Variants in UNC13C observed in about 807,000 individuals in gnomAD.
The protein encoded by UNC13C is protein unc-13 homolog C.
Under a neutral mutation model 245.4 loss-of-function variants are expected in UNC13C, and 174 were observed. That is an observed-to-expected ratio of 0.71 (90% CI 0.63 to 0.80). UNC13C has a LOEUF of 0.80. UNC13C is among the 30% of genes least tolerant of loss of function. The pLI, the probability that UNC13C is intolerant of heterozygous loss-of-function variation, is 0.00. For synonymous variants in UNC13C, 992 were observed against 895.1 expected (o/e 1.11, Z -1.93); for missense variants, 2,829 against 2,602.9 (o/e 1.09, Z -1.89).
At chr15:54,463,953 A>G (rs569484692) in intron 19 of UNC13C, among the ~76,000 whole-genome samples, 16 of 152,312 alleles carry the variant, frequency 1.1e-4, no homozygotes, top group African/African-American at 3.6e-4. Flanking sequence ...TAGCCAGGGC[A>G]CTAAAAAGGT....
chr15:53,898,206 C>CCAT, the UNC13C span, among the ~76,000 whole-genome samples: 37,203 of 150,770 alleles, frequency 0.25, 4,757 homozygotes, highest in South Asian at 0.27. Context: ...ACCACCACCA[C>CCAT]CATCATCATC....
chr15:53,882,354 T>A, the UNC13C span, among the ~76,000 whole-genome samples: 1 of 152,184 alleles, frequency 6.6e-6, no homozygotes, highest in South Asian at 2.1e-4. Context: ...TCCACACTAC[T>A]TTTGCTTATA....
intron 4 of UNC13C, among the ~76,000 whole-genome samples, chr15:54,152,104 A>G (rs1280923355): frequency 1.3e-5 from 2 of 152,202 alleles, no homozygotes; most frequent in Non-Finnish European, 2.9e-5. Context: ...TCTTTTCTCA[A>G]TTAGAAAACT....
chr15:54,416,758 T>C, intron 19 of UNC13C: 1 of 369,438 alleles, frequency 2.7e-6, no homozygotes, highest in Non-Finnish European at 5.3e-6. Flanking sequence ...TCTGTATAGA[T>C]TCTTAATCTC....
chr15:54,263,148 T>C (rs2036468900), intron 8 of UNC13C, among the ~76,000 whole-genome samples: 1 of 152,182 alleles, frequency 6.6e-6, no homozygotes, highest in African/African-American at 2.4e-5. Flanking sequence ...CTTACAGTCA[T>C]GTCAAAGAAA....
intron 28 of UNC13C, among the ~76,000 whole-genome samples, chr15:54,550,103 T>G (rs1490375871): frequency 6.6e-6 from 1 of 152,094 alleles, no homozygotes; most frequent in Non-Finnish European, 1.5e-5. Context: ...TAGTTATAAT[T>G]TGAGATTCCC....
rs114053083 is a variant in UNC13C at position 54,089,902 on chromosome 15, C to G, written c.2984-53116C>G. ...CTGACTTGTGGGAGTGGGAGTGGAA[C>G]AAGCGGTAGGACTTCCAATGTGCTG... is the stretch of plus-strand genomic sequence containing the variant. On this transcript the variant is annotated intron_variant, in intron 2 of 32. Coordinates refer to ENST00000260323, the MANE Select transcript of UNC13C (RefSeq NM_001080534.3). Among the ~76,000 whole-genome samples, 285 of 152,202 alleles carry G rather than the reference C, an allele frequency of 1.9e-3. 1 individual carries two copies. Among genetic ancestry groups the G allele is most frequent in the African/African-American group, 6.6e-3 (274 of 41,520 alleles).
At chr15:54,503,581 C>T (rs2141103864) in intron 22 of UNC13C, among the ~76,000 whole-genome samples, 1 of 152,030 alleles carries the variant, frequency 6.6e-6, no homozygotes, top group South Asian at 2.1e-4. Flanking sequence ...TACAGGTGTT[C>T]ACCACCATAC....
chr15:54,556,793 A>C (rs1028664343), intron 29 of UNC13C, among the ~76,000 whole-genome samples: 3 of 152,060 alleles, frequency 2.0e-5, no homozygotes, highest in Non-Finnish European at 2.9e-5. Flanking sequence ...GAAGAAAAGA[A>C]AAAAATTTGG....
chr15:54,002,001 A>C (rs139723741), intron 1 of UNC13C, among the ~76,000 whole-genome samples: 34 of 152,336 alleles, frequency 2.2e-4, no homozygotes, highest in Admixed American at 3.9e-4. Flanking sequence ...AAATTATTCA[A>C]ATCAGCCAGG....
At chr15:54,051,319 A>C (rs1282587893) in intron 2 of UNC13C, among the ~76,000 whole-genome samples, 2 of 152,158 alleles carry the variant, frequency 1.3e-5, no homozygotes, top group Non-Finnish European at 2.9e-5. Context: ...CAATTTCATC[A>C]TTTTCCAAAT....
At chr15:53,905,008 G>A in the UNC13C span, among the ~76,000 whole-genome samples, 3,218 of 152,176 alleles carry the variant, frequency 0.021, 33 homozygotes, top group Middle Eastern at 0.045. Flanking sequence ...TGGAATTGAG[G>A]CATGCATAGA....
chr15:53,966,026 T>G, the UNC13C span, among the ~76,000 whole-genome samples: 1 of 152,328 alleles, frequency 6.6e-6, no homozygotes, highest in East Asian at 1.9e-4. Flanking sequence ...ACAGATTCAG[T>G]GCACTTTTAT....
At chr15:53,925,341 C>T in the UNC13C span, among the ~76,000 whole-genome samples, 2 of 152,080 alleles carry the variant, frequency 1.3e-5, no homozygotes, top group Non-Finnish European at 2.9e-5. Flanking sequence ...CACAACAAGA[C>T]ACTTTGTTTG....
chr15:54,371,911 T>A (rs2039495227), intron 17 of UNC13C, among the ~76,000 whole-genome samples: 1 of 151,938 alleles, frequency 6.6e-6, no homozygotes. Context: ...ATAAGAACAA[T>A]GAGTAAAGTG....
chr15:54,529,523 A>G (rs985370307), intron 25 of UNC13C, among the ~76,000 whole-genome samples: 2 of 152,186 alleles, frequency 1.3e-5, no homozygotes, highest in Non-Finnish European at 2.9e-5. Context: ...CTGTTCATTG[A>G]TATATCTTCA....
chr15:54,435,221 C>T (rs1374276757), intron 19 of UNC13C, among the ~76,000 whole-genome samples: 1 of 152,092 alleles, frequency 6.6e-6, no homozygotes, highest in African/African-American at 2.4e-5. Context: ...CCAGCAATCC[C>T]ATTACTGGGT....
In UNC13C at chr15:54,622,345, C is replaced by G; in HGVS notation, c.6125C>G (p.Ala2042Gly). 6.2e-7 allele frequency: 1 copy of G among 1,613,216 alleles called. No homozygotes were observed. Among genetic ancestry groups the G allele is most frequent in the Non-Finnish European group, 8.5e-7 (1 of 1,179,372 alleles). Reference sequence around the variant, plus strand: ...TTTTCAGGTCGTTCCTCCAAAGATGCCGTGGGTCAGATATCTGTTCATGTG... The same window carrying G: ...TTTTCAGGTCGTTCCTCCAAAGATGGCGTGGGTCAGATATCTGTTCATGTG... ...QTSQSRSSKD[A>G]VGQISVHVDI... Residue 2042 changes from alanine to glycine, a missense_variant, in exon 31 of 33, where the codon GCC (alanine) becomes GGC (glycine). By Grantham distance (60) the Ala-to-Gly change is moderately conservative. Transcript: ENST00000260323.
intron 19 of UNC13C, among the ~76,000 whole-genome samples, chr15:54,440,643 A>C (rs1306633410): frequency 6.6e-6 from 1 of 151,968 alleles, no homozygotes; most frequent in Non-Finnish European, 1.5e-5. Context: ...TCTTTGATGT[A>C]GATAATTTCC....
Sources: allele counts gnomAD v4.1 joint callset (sites outside exome capture counted in the v4.1 genomes callset), GRCh38; gene constraint gnomAD v4.1.1; transcripts MANE v1.5; gene names NCBI Gene and HGNC (gene_info 2026-07-23, HGNC 2026-07-21).